Variants in NFASC observed in about 807,000 individuals in gnomAD.
The protein encoded by NFASC is neurofascin, also known as neurofascin homolog.
A neutral mutation model predicts 147.5 loss-of-function variants in NFASC; 43 were observed. That is an observed-to-expected ratio of 0.29 (90% CI 0.23 to 0.38). The LOEUF (loss-of-function observed/expected upper bound fraction) is 0.38, where lower values mean the gene tolerates loss of function less well. Among genes scored for constraint, NFASC ranks in the 10% least tolerant of loss-of-function variants. The pLI is 1.00. For missense variants in NFASC, 1,320 were observed against 1,689.0 expected (o/e 0.78, Z 3.83); for synonymous variants, 622 against 665.5 (o/e 0.93, Z 1.01).
intron 8 of NFASC, chr1:204,962,128 T>A: frequency 6.2e-7 from 1 of 1,613,782 alleles, no homozygotes; most frequent in Non-Finnish European, 8.5e-7. Flanking sequence ...TAATGACTCG[T>A]CCTTAAGAAA....
chr1:204,853,716 C>G (rs1458610868), intron 1 of NFASC, among the ~76,000 whole-genome samples: 1 of 152,228 alleles, frequency 6.6e-6, no homozygotes, highest in Non-Finnish European at 1.5e-5. Flanking sequence ...AGAGAAGACT[C>G]TGATGCTCTT....
chr1:204,954,108 G>A lies in NFASC; in HGVS notation c.216-80G>A, dbSNP rs563452835. On this transcript the variant is annotated intron_variant, in intron 5 of 29. Transcript: ENST00000339876. The surrounding 1 kb of genome is among the most constrained non-coding windows in gnomAD (Gnocchi z 5.7). ...AGAGGGAATTTTGGTACTGAGCCAGGGACTAGGGATCTGAGATCTGCCTGG... is the reference window on the plus strand; with the variant it reads ...AGAGGGAATTTTGGTACTGAGCCAGAGACTAGGGATCTGAGATCTGCCTGG... The A allele has an allele frequency of 1.1e-4, 140 of 1,321,134 alleles. No individual in the cohort carries two copies. In the South Asian group the frequency reaches 1.6e-3, roughly 16 times the overall value. 81.8% of individuals were successfully genotyped at this position (1,321,134 alleles called of 1,614,324 possible).
At chr1:204,983,563 G>A (rs1386169743) in intron 21 of NFASC, among the ~76,000 whole-genome samples, 1 of 152,150 alleles carries the variant, frequency 6.6e-6, no homozygotes, top group African/African-American at 2.4e-5. Flanking sequence ...TCAACCTGTA[G>A]CCCAGCAAAG....
At chr1:204,850,047 C>T (rs990410348) in intron 1 of NFASC, among the ~76,000 whole-genome samples, 3 of 152,122 alleles carry the variant, frequency 2.0e-5, no homozygotes, top group Non-Finnish European at 2.9e-5. Flanking sequence ...AACCTTCTCC[C>T]GAGGGGCACA....
intron 8 of NFASC, among the ~76,000 whole-genome samples, chr1:204,959,199 A>C (rs1472025951): frequency 1.3e-5 from 2 of 149,848 alleles, no homozygotes; most frequent in Non-Finnish European, 1.5e-5. Flanking sequence ...CCCTCCTCTA[A>C]TCATCGCCTC....
intron 1 of NFASC, among the ~76,000 whole-genome samples, chr1:204,835,213 C>CTTTT (rs1001302661): frequency 3.4e-4 from 27 of 80,586 alleles, no homozygotes; most frequent in South Asian, 4.7e-4. Context: ...TGAGGTGGGT[C>CTTTT]TTTTTTTTTT....
chr1:204,962,278 AG>A (rs1234497708), intron 8 of NFASC: 4 of 829,242 alleles, frequency 4.8e-6, no homozygotes, highest in Middle Eastern at 4.8e-4. Flanking sequence ...CAGGGTGCCA[AG>A]GTGACACCTC....
chr1:204,832,629 C>G (rs1410355230), intron 1 of NFASC, among the ~76,000 whole-genome samples: 1 of 152,224 alleles, frequency 6.6e-6, no homozygotes, highest in Non-Finnish European at 1.5e-5. Context: ...AGTAGCCCCT[C>G]TTTTCCCCCA....
intron 1 of NFASC, among the ~76,000 whole-genome samples, chr1:204,882,968 CAT>C (rs1446755174): frequency 6.6e-6 from 1 of 151,992 alleles, no homozygotes; most frequent in Non-Finnish European, 1.5e-5. Flanking sequence ...AATACGCCTA[CAT>C]ATGAGTCAAG....
chr1:204,858,190 G>A (rs888359650), intron 1 of NFASC, among the ~76,000 whole-genome samples: 3 of 152,008 alleles, frequency 2.0e-5, no homozygotes, highest in African/African-American at 7.2e-5. Flanking sequence ...AAAGTGCTGG[G>A]ATTATAGGTG....
intron 2 of NFASC, among the ~76,000 whole-genome samples, chr1:204,941,917 G>T (rs1365965106): frequency 6.6e-6 from 1 of 152,064 alleles, no homozygotes; most frequent in Non-Finnish European, 1.5e-5. Context: ...CTCCTGCGCC[G>T]CCTGGTGGTT....
At chr1:204,871,596 C>G (rs1051977571) in intron 1 of NFASC, among the ~76,000 whole-genome samples, 3 of 152,212 alleles carry the variant, frequency 2.0e-5, no homozygotes, top group Admixed American at 2.0e-4. Context: ...AGCTGTCTCC[C>G]TCCTGAGTCT....
intron 1 of NFASC, among the ~76,000 whole-genome samples, chr1:204,836,131 T>C (rs1673718668): frequency 6.6e-6 from 1 of 152,170 alleles, no homozygotes; most frequent in South Asian, 2.1e-4. Flanking sequence ...CTGAGTTGTG[T>C]ATTGGGATAT....
intron 1 of NFASC, chr1:204,870,673 G>A (rs78426557): frequency 1.9e-6 from 2 of 1,079,866 alleles, no homozygotes; most frequent in East Asian, 7.7e-5. Flanking sequence ...CCAGCGGTGA[G>A]CGAGTGAGCA....
intron 27 of NFASC, among the ~76,000 whole-genome samples, chr1:205,006,821 G>A (rs1212222246): frequency 6.6e-6 from 1 of 152,194 alleles, no homozygotes; most frequent in Non-Finnish European, 1.5e-5. Flanking sequence ...CAAGGCAGGG[G>A]GCAGGAAGAT....
At chr1:204,868,446 A>G (rs1470832929) in intron 1 of NFASC, among the ~76,000 whole-genome samples, 2 of 152,146 alleles carry the variant, frequency 1.3e-5, no homozygotes, top group African/African-American at 2.4e-5. Context: ...AGCTGTTACT[A>G]GAGCCACTCT....
At chr1:204,883,466 G>A (rs898002354) in intron 1 of NFASC, among the ~76,000 whole-genome samples, 6 of 152,196 alleles carry the variant, frequency 3.9e-5, no homozygotes, top group African/African-American at 9.7e-5. Flanking sequence ...CATCGACCCC[G>A]CTCTGTGGCC....
rs748775050 is a variant in NFASC at position 205,001,256 on chromosome 1, G to A, written c.3106G>A (p.Gly1036Arg). 3.7e-6 allele frequency: 6 copies of A among 1,611,878 alleles called. No homozygotes were observed. Among genetic ancestry groups the A allele is most frequent in the East Asian group, 2.2e-5 (1 of 44,834 alleles). Residue 1036 changes from glycine to arginine, a missense_variant, in exon 26 of 30, where the codon GGA becomes AGA. By Grantham distance (125) the Gly-to-Arg change is moderately radical (BLOSUM62 -2). Around this residue, in one of 3 missense-constraint regions of NFASC, gnomAD observed 172 missense variants for 165.8 expected, o/e 1.04. Coordinates refer to ENST00000339876, the MANE Select transcript of NFASC (RefSeq NM_001005388.3). ...NITWKHNFGP[G>R]TDFVVEYIDS... ...CACCTGGAAGCACAATTTCGGGCCC[G>A]GAACTGACTTTGTGGTTGAGTACAT...
At chr1:204,944,472 G>GGGGTGGA in intron 3 of NFASC, 66 bp downstream of exon 3, 1 of 402,578 alleles carries the variant, frequency 2.5e-6, no homozygotes, top group East Asian at 6.4e-5. Flanking sequence ...GGAGGGGAGG[G>GGGGTGGA]AAGGTCAGAG....
Sources: gnomAD v4.1 joint callset for allele counts (sites outside exome capture counted in the v4.1 genomes callset) on GRCh38, gnomAD v4.1.1 for gene constraint, gnomAD v4.1.1 regional missense constraint, Gnocchi (gnomAD v3.1) non-coding constraint, MANE v1.5 for transcripts, NCBI Gene and HGNC (gene_info 2026-07-23, HGNC 2026-07-21) for gene names.